SLC35F4: variants seen among roughly 807,000 people sequenced by gnomAD.
SLC35F4 encodes solute carrier family 35 member F4.
In SLC35F4, 24 loss-of-function variants were observed where a neutral mutation model predicts 44.2. The ratio of observed to expected loss-of-function variants is 0.54; its 90% CI spans 0.39 to 0.76. SLC35F4 has a LOEUF of 0.76. Among genes scored for constraint, SLC35F4 ranks in the 30% least tolerant of loss-of-function variants. The pLI is 0.00. For missense variants in SLC35F4, 562 were observed against 586.1 expected (o/e 0.96, Z 0.42); for synonymous variants, 238 against 223.6 (o/e 1.06, Z -0.57).
chr14:57,809,913 A>G (rs531193197), intron 1 of SLC35F4, among the ~76,000 whole-genome samples: 22 of 152,348 alleles, frequency 1.4e-4, no homozygotes, highest in African/African-American at 5.3e-4. Flanking sequence ...TTGAATAAGC[A>G]GGACTCATGG....
chr14:57,847,811 T>C (rs1453309519), intron 1 of SLC35F4, among the ~76,000 whole-genome samples: 3 of 152,224 alleles, frequency 2.0e-5, no homozygotes, highest in Non-Finnish European at 2.9e-5. Flanking sequence ...TCTGCCACTA[T>C]GAATATGCCA....
intron 1 of SLC35F4, among the ~76,000 whole-genome samples, chr14:57,664,645 AG>A (rs1360475569): frequency 1.3e-5 from 2 of 152,116 alleles, no homozygotes; most frequent in African/African-American, 4.8e-5. Flanking sequence ...TCCTGACCTT[AG>A]GTAATCCACT....
At chr14:57,944,760 AAG>A (rs1889990743) in intron 1 of SLC35F4, among the ~76,000 whole-genome samples, 2 of 151,580 alleles carry the variant, frequency 1.3e-5, no homozygotes, top group African/African-American at 4.8e-5. Flanking sequence ...AGAAGAAAGG[AAG>A]AAAGAAAAGA....
At chr14:57,610,646 G>T (rs1488173425) in intron 1 of SLC35F4, among the ~76,000 whole-genome samples, 1 of 152,128 alleles carries the variant, frequency 6.6e-6, no homozygotes. Flanking sequence ...TAGGAGCATG[G>T]AAGACCATGC....
At chr14:57,745,281 T>A (rs2076724968) in intron 1 of SLC35F4, among the ~76,000 whole-genome samples, 1 of 152,222 alleles carries the variant, frequency 6.6e-6, no homozygotes, top group Non-Finnish European at 1.5e-5. Flanking sequence ...GAAACTACCA[T>A]CAGAGTGAAC....
intron 1 of SLC35F4, among the ~76,000 whole-genome samples, chr14:57,743,803 G>A (rs2076685574): frequency 6.6e-6 from 1 of 152,156 alleles, no homozygotes; most frequent in Non-Finnish European, 1.5e-5. Flanking sequence ...TATCCCTGAT[G>A]AACATCGATG....
chr14:57,596,969 AGG>A, intron 1 of SLC35F4: 1 of 1,092,950 alleles, frequency 9.1e-7, no homozygotes, highest in Non-Finnish European at 1.2e-6. Context: ...AGACGTATTC[AGG>A]GGTTGGGCCA....
At chr14:57,726,916 C>G (rs1388004863) in intron 1 of SLC35F4, among the ~76,000 whole-genome samples, 3 of 152,054 alleles carry the variant, frequency 2.0e-5, no homozygotes, top group African/African-American at 7.2e-5. Flanking sequence ...GAATATAAAG[C>G]AGGTAGAAAA....
chr14:57,710,506 C>T (rs928016224), intron 1 of SLC35F4, among the ~76,000 whole-genome samples: 2 of 152,126 alleles, frequency 1.3e-5, no homozygotes, highest in Non-Finnish European at 2.9e-5. Flanking sequence ...ATCCTCCAGA[C>T]CTCAGAATTG....
chr14:57,834,109 C>T (rs1884663037), intron 1 of SLC35F4, among the ~76,000 whole-genome samples: 1 of 152,106 alleles, frequency 6.6e-6, no homozygotes, highest in South Asian at 2.1e-4. Context: ...ATGAGAGCAA[C>T]CCGACATTTC....
At chr14:57,764,248 T>C (rs2077187010) in intron 1 of SLC35F4, among the ~76,000 whole-genome samples, 1 of 152,182 alleles carries the variant, frequency 6.6e-6, no homozygotes, top group African/African-American at 2.4e-5. Flanking sequence ...GGCTTTAAGA[T>C]GATTTGTTAT....
intron 1 of SLC35F4, among the ~76,000 whole-genome samples, chr14:57,727,967 G>A (rs1308576675): frequency 3.3e-5 from 5 of 152,180 alleles, no homozygotes; most frequent in Non-Finnish European, 5.9e-5. Flanking sequence ...TCTGTTCAGT[G>A]CTGAAGGTGA....
intron 1 of SLC35F4, among the ~76,000 whole-genome samples, chr14:57,692,461 T>C (rs1445689716): frequency 6.6e-6 from 1 of 152,194 alleles, no homozygotes; most frequent in Non-Finnish European, 1.5e-5. Flanking sequence ...ACTTATTGTT[T>C]GGAAAATCAG....
chr14:57,799,119 T>C (rs994944839), intron 1 of SLC35F4, among the ~76,000 whole-genome samples: 1 of 152,156 alleles, frequency 6.6e-6, no homozygotes, highest in African/African-American at 2.4e-5. Context: ...GGTTCTTGCA[T>C]TGGGACTGAC....
chr14:57,572,547 AAAT>A (rs1051217574), intron 4 of SLC35F4, among the ~76,000 whole-genome samples: 56 of 151,814 alleles, frequency 3.7e-4, no homozygotes, highest in African/African-American at 1.4e-3. Flanking sequence ...AAAAGAAAGA[AAAT>A]AAATTCTCAT....
rs1566827766 is a variant in SLC35F4, at chr14:57,758,000, C to CGT, written c.103+107722_103+107723insAC. ...TTTTCTGGGTATAGGATTATAGGTTCATGTGTGTGTGTGTGTGTGTGTGTG... is the reference window on the plus strand; with the variant it reads ...TTTTCTGGGTATAGGATTATAGGTTCGTATGTGTGTGTGTGTGTGTGTGTGTG... On this transcript the variant is annotated intron_variant, in intron 1 of 7. Coordinates refer to ENST00000556826, the MANE Select transcript of SLC35F4 (RefSeq NM_001306087.2). Among the ~76,000 whole-genome samples the CGT allele has an allele frequency of 1.5e-3, 140 of 96,010 alleles. 1 individual carries two copies. Among genetic ancestry groups the CGT allele is most frequent in the African/African-American group, 4.7e-3 (126 of 26,726 alleles). 63.0% of individuals were successfully genotyped at this position (96,010 alleles called of 152,430 possible). A position where few individuals can be genotyped will look rare whatever the true frequency, so the allele number is the denominator to read the frequency against.
intron 1 of SLC35F4, among the ~76,000 whole-genome samples, chr14:57,846,372 C>T (rs1231540330): frequency 6.6e-6 from 1 of 152,148 alleles, no homozygotes; most frequent in East Asian, 1.9e-4. Context: ...GAATATTGGG[C>T]CAAGTGTGTT....
At chr14:57,617,708 G>A (rs1566689733) in intron 1 of SLC35F4, among the ~76,000 whole-genome samples, 1 of 152,172 alleles carries the variant, frequency 6.6e-6, no homozygotes, top group Non-Finnish European at 1.5e-5. Flanking sequence ...GAGTGGGTCT[G>A]TATGAGTCAT....
intron 1 of SLC35F4, among the ~76,000 whole-genome samples, chr14:57,784,794 C>T (rs1332296794): frequency 6.6e-6 from 1 of 152,124 alleles, no homozygotes; most frequent in Admixed American, 6.5e-5. Context: ...CCTCCCCTTC[C>T]ACCTCTGCCA....
Sources: allele counts gnomAD v4.1 joint callset (sites outside exome capture counted in the v4.1 genomes callset), GRCh38; gene constraint gnomAD v4.1.1; transcripts MANE v1.5; gene names NCBI Gene and HGNC (gene_info 2026-07-23, HGNC 2026-07-21).